Variants in SHANK2 observed in about 807,000 individuals in gnomAD.
The protein encoded by SHANK2 is SH3 and multiple ankyrin repeat domains protein 2.
In SHANK2, 43 loss-of-function variants were observed where a neutral mutation model predicts 133.7. The observed-to-expected ratio is 0.32, with a 90% confidence interval of 0.25 to 0.41. The LOEUF (loss-of-function observed/expected upper bound fraction) is 0.41, where lower values mean the gene tolerates loss of function less well. Ranked by LOEUF, SHANK2 falls within the 10% of genes least tolerant of loss-of-function variation. SHANK2 has a pLI of 1.00. For missense variants in SHANK2, 1,994 were observed against 2,235.8 expected (o/e 0.89, Z 2.18); for synonymous variants, 1,017 against 952.8 (o/e 1.07, Z -1.24).
rs1946861330 is a variant in SHANK2, at chr11:70,755,887, T to TCA, written c.1777+42555_1777+42556insTG. Among the ~76,000 whole-genome samples the TCA allele has an allele frequency of 4.6e-5, 7 of 152,320 alleles. 1 individual carries two copies. The highest frequency in any genetic ancestry group is 4.6e-4 in the Admixed American group (7 of 15,308). On this transcript the variant is annotated intron_variant, in intron 14 of 25. Transcript: ENST00000601538. ...CCTCCGATTGTTGGAAATACAAGTT[T>TCA]ATTTCCATCTTACAGGATGGCTTTC...
intron 2 of SHANK2, among the ~76,000 whole-genome samples, chr11:71,181,715 G>A (rs1953561484): frequency 6.6e-6 from 1 of 151,948 alleles, no homozygotes; most frequent in African/African-American, 2.4e-5. Context: ...CATGCATAAC[G>A]GAACCAGGAC....
chr11:70,728,935 T>C (rs1467229274), intron 14 of SHANK2, among the ~76,000 whole-genome samples: 1 of 152,164 alleles, frequency 6.6e-6, no homozygotes, highest in Non-Finnish European at 1.5e-5. Flanking sequence ...CCGGGCGTGG[T>C]GGCTCATGCC....
In SHANK2 at chr11:70,815,499, C is replaced by T. The variant is rs529689527; in HGVS notation, c.1493+4865G>A. Among the ~76,000 whole-genome samples, 48 of 152,318 alleles carry T rather than the reference C, an allele frequency of 3.2e-4. No homozygotes were observed. The South Asian group carries it at 8.9e-3, about 28-fold the overall frequency. ...CAGCGGACACTCACCATCCACAGAT[C>T]GGCCCCCTCACACCCCTTGCAGCCC... On this transcript the variant is annotated intron_variant, in intron 12 of 25. Coordinates refer to ENST00000601538, the MANE Select transcript of SHANK2 (RefSeq NM_012309.5).
chr11:71,061,873 G>A (rs1180928792), intron 9 of SHANK2, among the ~76,000 whole-genome samples: 1 of 151,844 alleles, frequency 6.6e-6, no homozygotes, highest in Admixed American at 6.6e-5. Flanking sequence ...TGCCCCAGCT[G>A]CAGGACTTGC....
chr11:70,832,634 T>C (rs1039847380), intron 11 of SHANK2, among the ~76,000 whole-genome samples: 1 of 152,218 alleles, frequency 6.6e-6, no homozygotes, highest in African/African-American at 2.4e-5. Context: ...CAGAGCACTT[T>C]ACTAGGTTCA....
At position 71,125,937 on chromosome 11, in the gene SHANK2, C is replaced by T. The variant is rs576171378; in HGVS notation, c.208-6905G>A. On this transcript the variant is annotated intron_variant, in intron 3 of 25. Coordinates refer to ENST00000601538, the MANE Select transcript of SHANK2 (RefSeq NM_012309.5). ...CCCTTAAGAATGATGCTAAATCAAT[C>T]GGCCAGGCGCGGTGGCTCACGCCTG... Among the ~76,000 whole-genome samples, 5 of 152,096 alleles carry T rather than the reference C, an allele frequency of 3.3e-5. No homozygotes were observed. In the South Asian group the frequency reaches 1.0e-3, roughly 32 times the overall value.
intron 2 of SHANK2, among the ~76,000 whole-genome samples, chr11:71,183,345 G>A (rs1953601639): frequency 6.6e-6 from 1 of 152,174 alleles, no homozygotes; most frequent in Non-Finnish European, 1.5e-5. Context: ...TCCCCCGGGT[G>A]AGCAGAGAGG....
chr11:71,104,871 C>T lies in SHANK2; in HGVS notation c.592+5070G>A, dbSNP rs934782350. 3.9e-5 allele frequency among the ~76,000 whole-genome samples: 6 copies of T among 152,330 alleles called. 1 individual carries two copies. Among genetic ancestry groups the T allele is most frequent in the Middle Eastern group, 6.8e-3 (2 of 292 alleles). Reference sequence around the variant, plus strand: ...CAGGGCCATCTGCGCTGTCTGCAGCCGACCTGTGGGTCTGCACTTGGCCTT... The same window carrying T: ...CAGGGCCATCTGCGCTGTCTGCAGCTGACCTGTGGGTCTGCACTTGGCCTT... On this transcript the variant is annotated intron_variant, in intron 6 of 25. Transcript: ENST00000601538.
chr11:71,111,827 C>T (rs896327282), intron 5 of SHANK2, among the ~76,000 whole-genome samples: 2 of 152,212 alleles, frequency 1.3e-5, no homozygotes, highest in Admixed American at 1.3e-4. Flanking sequence ...TTTTTATCTG[C>T]ACATCAGAGG....
intron 6 of SHANK2, among the ~76,000 whole-genome samples, chr11:71,097,887 T>C (rs1205671473): frequency 6.6e-6 from 1 of 151,716 alleles, no homozygotes; most frequent in Non-Finnish European, 1.5e-5. Context: ...TGTGTGCCTG[T>C]GTGTGCATGG....
Position 70,739,344 on chromosome 11 carries a change from GGGA to G in SHANK2, c.1778-40584_1778-40582del, listed in dbSNP as rs1165721115. On this transcript the variant is annotated intron_variant, in intron 14 of 25. Coordinates refer to ENST00000601538, the MANE Select transcript of SHANK2 (RefSeq NM_012309.5). The surrounding 1 kb of genome is among the most constrained non-coding windows in gnomAD (Gnocchi z 4.3). ...CACACATCTCCACCTCCCCACAGAA[GGGA>G]GGAGGCCAGGAGGTGGACAATGAAG... Among the ~76,000 whole-genome samples, 12 of 152,198 alleles carry G rather than the reference GGGA, an allele frequency of 7.9e-5. No individual in the cohort carries two copies. Among genetic ancestry groups the G allele is most frequent in the Non-Finnish European group, 1.8e-4 (12 of 68,034 alleles).
At chr11:71,145,273 A>G (rs782368264) in intron 3 of SHANK2, among the ~76,000 whole-genome samples, 2 of 152,214 alleles carry the variant, frequency 1.3e-5, no homozygotes, top group Non-Finnish European at 2.9e-5. Flanking sequence ...CATAAAATAC[A>G]CTAACACTAA....
At chr11:71,251,174 G>C (rs1360936489) in intron 1 of SHANK2, among the ~76,000 whole-genome samples, 1 of 150,484 alleles carries the variant, frequency 6.6e-6, no homozygotes, top group African/African-American at 2.5e-5. Context: ...TTAAAAGATC[G>C]GCTGCGAAAA....
At chr11:70,828,345 A>G (rs1227850331) in intron 11 of SHANK2, among the ~76,000 whole-genome samples, 2 of 152,212 alleles carry the variant, frequency 1.3e-5, no homozygotes, top group Non-Finnish European at 2.9e-5. Flanking sequence ...TATTTAACTC[A>G]CACAACTCAT....
chr11:71,113,444 T>C (rs970007451), intron 4 of SHANK2, 80 bp from the exon 5 acceptor site: 2 of 1,311,774 alleles, frequency 1.5e-6, no homozygotes, highest in African/African-American at 2.9e-5. Flanking sequence ...GGCCTTTTCC[T>C]TGGCTATGTC....
chr11:70,801,559 G>C (rs1381415008), intron 13 of SHANK2, among the ~76,000 whole-genome samples: 1 of 152,192 alleles, frequency 6.6e-6, no homozygotes, highest in African/African-American at 2.4e-5. Context: ...GCTGGGCTTG[G>C]CTACCCCATT....
chr11:71,185,873 G>T (rs1555114404), intron 2 of SHANK2, among the ~76,000 whole-genome samples: 2 of 151,964 alleles, frequency 1.3e-5, no homozygotes, highest in Non-Finnish European at 2.9e-5. Flanking sequence ...TGGGGGGTGG[G>T]TGGGGAAAGA....
intron 1 of SHANK2, among the ~76,000 whole-genome samples, chr11:71,233,387 G>A (rs576407405): frequency 5.3e-5 from 8 of 152,182 alleles, no homozygotes; most frequent in Admixed American, 2.0e-4. Flanking sequence ...CATTTTGCAC[G>A]ATTCCATTTA....
At position 70,653,076 on chromosome 11, in the gene SHANK2, C is replaced by T. The variant is rs184689021; in HGVS notation, c.2061+6752G>A. Among the ~76,000 whole-genome samples, 1,418 of 151,490 alleles carry T rather than the reference C, an allele frequency of 9.4e-3. 24 individuals are homozygous for T. Among genetic ancestry groups the T allele is most frequent in the African/African-American group, 0.033 (1,351 of 41,322 alleles). ...CAAGCTCCGCCTCCCAGGTTCACAC[C>T]ATTCTCCTGCCCCAGCCTCCCGAGT... On this transcript the variant is annotated intron_variant, in intron 17 of 25. Transcript: ENST00000601538.
Sources: gnomAD v4.1 joint callset for allele counts (sites outside exome capture counted in the v4.1 genomes callset) on GRCh38, gnomAD v4.1.1 for gene constraint, Gnocchi (gnomAD v3.1) non-coding constraint, MANE v1.5 for transcripts, NCBI Gene and HGNC (gene_info 2026-07-23, HGNC 2026-07-21) for gene names.